Variants in ADK observed in about 807,000 individuals in gnomAD.
ADK encodes the protein N6,N6-dimethyladenosine kinase.
A neutral mutation model predicts 44.7 loss-of-function variants in ADK; 24 were observed. The observed-to-expected ratio is 0.54, with a 90% CI of 0.39 to 0.76. ADK has a LOEUF of 0.76. Among genes scored for constraint, ADK ranks in the 30% least tolerant of loss-of-function variants. The pLI, the probability that ADK is intolerant of heterozygous loss-of-function variation, is 0.00. For missense variants in ADK, 321 were observed against 425.1 expected (o/e 0.76, Z 2.15); for synonymous variants, 128 against 142.6 (o/e 0.90, Z 0.73).
intron 1 of ADK, among the ~76,000 whole-genome samples, chr10:74,185,566 C>G (rs1320845646): frequency 6.7e-6 from 1 of 148,850 alleles, no homozygotes; most frequent in African/African-American, 2.5e-5. Flanking sequence ...GGCGCGGTGG[C>G]TCACGCCTGT....
intron 6 of ADK, among the ~76,000 whole-genome samples, chr10:74,443,709 G>A (rs1044947305): frequency 6.6e-6 from 1 of 151,968 alleles, no homozygotes; most frequent in Non-Finnish European, 1.5e-5. Flanking sequence ...TCTCAATAAA[G>A]CTTTTATTTT....
At chr10:74,512,446 A>G (rs951341879) in intron 6 of ADK, among the ~76,000 whole-genome samples, 1 of 148,672 alleles carries the variant, frequency 6.7e-6, no homozygotes, top group Non-Finnish European at 1.5e-5. Flanking sequence ...TTGTTATTAA[A>G]TCAATCTTGT....
At chr10:74,361,951 C>T (rs1476688569) in intron 4 of ADK, among the ~76,000 whole-genome samples, 1 of 152,170 alleles carries the variant, frequency 6.6e-6, no homozygotes. Flanking sequence ...ATCTTCCTTG[C>T]ATGTTATTTA....
intron 6 of ADK, among the ~76,000 whole-genome samples, chr10:74,417,342 T>A (rs1844408439): frequency 6.6e-6 from 1 of 152,196 alleles, no homozygotes; most frequent in Admixed American, 6.5e-5. Flanking sequence ...TTAGTTTTCC[T>A]TTATAGATAT....
At chr10:74,408,158 T>TC (rs1350134856) in intron 6 of ADK, among the ~76,000 whole-genome samples, 14 of 151,260 alleles carry the variant, frequency 9.3e-5, no homozygotes, top group African/African-American at 3.4e-4. Context: ...TTTTGTATTT[T>TC]TTTTTTTTTT....
At chr10:74,331,555 C>T (rs1841218516) in intron 4 of ADK, among the ~76,000 whole-genome samples, 1 of 152,156 alleles carries the variant, frequency 6.6e-6, no homozygotes, top group Non-Finnish European at 1.5e-5. Context: ...ACGATCTCAG[C>T]TCACTGCAAC....
intron 3 of ADK, among the ~76,000 whole-genome samples, chr10:74,303,970 C>CA (rs72256519): frequency 2.4e-4 from 34 of 140,994 alleles, no homozygotes; most frequent in African/African-American, 4.8e-4. Context: ...ACTCTTGTCT[C>CA]AAAAAAAAAA....
chr10:74,569,020 T>A (rs1488180920), intron 7 of ADK, among the ~76,000 whole-genome samples: 1 of 148,026 alleles, frequency 6.8e-6, no homozygotes, highest in Non-Finnish European at 1.5e-5. Flanking sequence ...AGTGAGAACA[T>A]GCATTGTTTG....
In ADK at chr10:74,456,689, A is replaced by C. The variant is rs964513430; in HGVS notation, c.555+58110A>C. On this transcript the variant is annotated intron_variant, in intron 6 of 10. Coordinates refer to ENST00000539909, the MANE Select transcript of ADK (RefSeq NM_006721.4). ...CTCAAAAAAAAAAAAAAAAAAAAAA[A>C]ACCTCACTGAAAACCACCCAACCAC... 4.7e-5 allele frequency among the ~76,000 whole-genome samples: 7 copies of C among 148,618 alleles called. No individual in the cohort carries two copies. The South Asian group carries it at 1.3e-3, about 27-fold the overall frequency.
intron 10 of ADK, among the ~76,000 whole-genome samples, chr10:74,673,491 G>T (rs1198694998): frequency 6.6e-6 from 1 of 152,176 alleles, no homozygotes; most frequent in South Asian, 2.1e-4. Flanking sequence ...ACGTGAGCAG[G>T]TGCAGGAGCT....
At chr10:74,590,146 A>G (rs1851666591) in intron 8 of ADK, among the ~76,000 whole-genome samples, 1 of 152,208 alleles carries the variant, frequency 6.6e-6, no homozygotes, top group African/African-American at 2.4e-5. Context: ...GGAGTTGTTT[A>G]TGACTATGAT....
At chr10:74,268,521 GATAAA>G (rs1846303035) in intron 3 of ADK, among the ~76,000 whole-genome samples, 3 of 152,116 alleles carry the variant, frequency 2.0e-5, no homozygotes, top group African/African-American at 7.2e-5. Context: ...TTATGGTGAT[GATAAA>G]ATAAGATAAT....
intron 7 of ADK, among the ~76,000 whole-genome samples, chr10:74,580,072 A>T (rs1211975701): frequency 6.6e-6 from 1 of 152,182 alleles, no homozygotes; most frequent in Non-Finnish European, 1.5e-5. Flanking sequence ...TGAATTTCAG[A>T]GTAAAGTTAG....
chr10:74,305,530 C>T (rs1388209086), intron 3 of ADK, among the ~76,000 whole-genome samples: 2 of 152,056 alleles, frequency 1.3e-5, no homozygotes, highest in African/African-American at 2.4e-5. Flanking sequence ...GTGGCTGTTT[C>T]CATCCCTGTT....
At chr10:74,305,002 G>A (rs961445150) in intron 3 of ADK, among the ~76,000 whole-genome samples, 2 of 152,166 alleles carry the variant, frequency 1.3e-5, no homozygotes, top group Non-Finnish European at 2.9e-5. Flanking sequence ...GGATTCTCAA[G>A]TCCCTGATAT....
intron 6 of ADK, among the ~76,000 whole-genome samples, chr10:74,426,379 T>C (rs1037660947): frequency 6.6e-6 from 1 of 152,184 alleles, no homozygotes; most frequent in Non-Finnish European, 1.5e-5. Flanking sequence ...TTCTAGAAGA[T>C]TGGTTGAATA....
chr10:74,310,164 A>G (rs920564826), intron 3 of ADK, among the ~76,000 whole-genome samples: 1 of 152,140 alleles, frequency 6.6e-6, no homozygotes, highest in Non-Finnish European at 1.5e-5. Flanking sequence ...CAGACAAAGA[A>G]TGTCAACCAA....
At chr10:74,334,052 A>AT (rs1841327053) in intron 4 of ADK, among the ~76,000 whole-genome samples, 1 of 152,154 alleles carries the variant, frequency 6.6e-6, no homozygotes, top group African/African-American at 2.4e-5. Context: ...TTTGTAGTGT[A>AT]TGTTTCTGCA....
At position 74,300,299 on chromosome 10, in the gene ADK, CTTCCTTCCTTCT is replaced by C. The variant is rs1435668474; in HGVS notation, c.195-14356_195-14345del. Among the ~76,000 whole-genome samples, 766 of 83,276 alleles carry C rather than the reference CTTCCTTCCTTCT, an allele frequency of 9.2e-3. 33 individuals are homozygous for C. Among genetic ancestry groups the C allele is most frequent in the African/African-American group, 0.036 (657 of 18,346 alleles). The allele number at this position is 83,276 out of a possible 152,430, so 54.6% of individuals were successfully genotyped here. A position where few individuals can be genotyped will look rare whatever the true frequency, so the allele number is the denominator to read the frequency against. On this transcript the variant is annotated intron_variant, in intron 3 of 10. Coordinates refer to ENST00000539909, the MANE Select transcript of ADK (RefSeq NM_006721.4). The stretch of plus-strand genomic sequence containing the variant: ...CCTTCCTTCCTTCCTTCCTTCCTTC[CTTCCTTCCTTCT>C]TTCCTTCCTTCCTTCCTTCCTTCCT...
Sources: allele counts gnomAD v4.1 joint callset (sites outside exome capture counted in the v4.1 genomes callset), GRCh38; gene constraint gnomAD v4.1.1; transcripts MANE v1.5; gene names NCBI Gene and HGNC (gene_info 2026-07-23, HGNC 2026-07-21).